The following OR7A17 variants were observed in gnomAD, a reference collection of about 807,000 sequenced individuals.
OR7A17 encodes the protein olfactory receptor 7A17.
For missense variants in OR7A17, 366 were observed against 365.5 expected (o/e 1.00, Z -0.01); for synonymous variants, 159 against 142.1 (o/e 1.12, Z -0.85).
intron 1 of OR7A17, among the ~76,000 whole-genome samples, chr19:14,885,062 G>A (rs1279158216): frequency 1.3e-5 from 2 of 152,118 alleles, no homozygotes; most frequent in African/African-American, 2.4e-5. Flanking sequence ...AAAGTCCTCC[G>A]ATAAAATTCA....
intron 1 of OR7A17, among the ~76,000 whole-genome samples, chr19:14,885,569 A>G (rs199547890): frequency 6.6e-6 from 1 of 152,210 alleles, no homozygotes; most frequent in East Asian, 1.9e-4. Context: ...CCTACAAGGG[A>G]TGTGAAGGAC....
chr19:14,879,868 G>A lies in OR7A17; in HGVS notation c.*558C>T, dbSNP rs2045097573. ...GAACCCAGGAGGCAGAGGTTGCAGT[G>A]AGCTGAGATGATGCCACTGCACTTC... On this transcript the variant is annotated 3_prime_UTR_variant, in exon 3 of 3. Coordinates refer to ENST00000641113, the MANE Select transcript of OR7A17 (RefSeq NM_030901.2). 1 of 152,528 alleles carries A rather than the reference G, an allele frequency of 6.6e-6. No homozygotes were observed. The highest frequency in any genetic ancestry group is 2.4e-5 in the African/African-American group (1 of 41,402). 9.4% of individuals were successfully genotyped at this position (152,528 alleles called of 1,614,324 possible).
At position 14,881,246 on chromosome 19, in the gene OR7A17, A is replaced by G. The variant is rs10405148; in HGVS notation, c.110T>C (p.Val37Ala). ...GATGAGCAGATTCCCGAGCACAGTG[A>G]CCAGGTACATGGACAGAAACAGCCC... ...LFGLFLSMYL[V>A]TVLGNLLIIL... The change falls in exon 3 of 3, where the codon GTC (valine) becomes GCC (alanine). Residue 37 changes from valine to alanine, a missense_variant. By Grantham distance (64) the Val-to-Ala change is moderately conservative. Transcript: ENST00000641113. 1,787 of 1,614,036 alleles carry G rather than the reference A, an allele frequency of 1.1e-3. 27 individuals carry two copies. In the African/African-American group the frequency reaches 0.022, roughly 20 times the overall value.
At position 14,881,326 on chromosome 19, in the gene OR7A17, T is replaced by G; in HGVS notation, c.30A>C (p.Ser10=). 6.4e-7 allele frequency: 1 copy of G among 1,571,802 alleles called. No homozygotes were observed. Among genetic ancestry groups the G allele is most frequent in the African/African-American group, 1.4e-5 (1 of 73,994 alleles). Residue 10 remains serine, a synonymous_variant, in exon 3 of 3, where the codon TCA becomes TCC. Transcript: ENST00000641113. Reference sequence around the variant, plus strand: ...CAGAAAGTCCCAGAAGAACAAATTCTGAAATCCCTGTGTCATTCTCTGGTT... The same window carrying G: ...CAGAAAGTCCCAGAAGAACAAATTCGGAAATCCCTGTGTCATTCTCTGGTT... MEPENDTGI[S]EFVLLGLSEE...
rs932810538 is a variant in OR7A17 at position 14,879,463 on chromosome 19, G to T, written c.*963C>A. The T allele has an allele frequency of 1.3e-5, 2 of 152,086 alleles. No individual in the cohort carries two copies. Among genetic ancestry groups the T allele is most frequent in the African/African-American group, 4.8e-5 (2 of 41,364 alleles). The allele number at this position is 152,086 out of a possible 1,614,324, so 9.4% of individuals were successfully genotyped here. A position where few individuals can be genotyped will look rare whatever the true frequency, so the allele number is the denominator to read the frequency against. On this transcript the variant is annotated 3_prime_UTR_variant, in exon 3 of 3. Coordinates refer to ENST00000641113, the MANE Select transcript of OR7A17 (RefSeq NM_030901.2). ...TTTGGTAGAGACGGGGTTTCTCCCT[G>T]TTGGTCAGCCTGGTCTCCAACTCCC...
intron 1 of OR7A17, among the ~76,000 whole-genome samples, chr19:14,882,542 G>A (rs7254039): frequency 0.044 from 6,642 of 152,320 alleles, 238 homozygotes; most frequent in South Asian, 0.12. Context: ...AGAGTGATGA[G>A]AGATGGTTTC....
chr19:14,884,636 C>T (rs1001941557), intron 1 of OR7A17: 10 of 152,104 alleles, frequency 6.6e-5, no homozygotes, highest in Admixed American at 5.9e-4. Flanking sequence ...AATTAATAGC[C>T]TACCAACCAA....
chr19:14,880,535 G>T lies in OR7A17; in HGVS notation c.821C>A (p.Ala274Asp), dbSNP rs199593891. Reference sequence around the variant, plus strand: ...GGTGGCCACAGTGTACATCACTGAGGCTGTTGCACTTGTGTGTGAGTTGTG... The same window carrying T: ...GGTGGCCACAGTGTACATCACTGAGTCTGTTGCACTTGTGTGTGAGTTGTG... ...ATHNSHTSAT[A>D]SVMYTVATPM... Residue 274 changes from alanine to aspartate, a missense_variant, in exon 3 of 3, where the codon GCC (alanine) becomes GAC (aspartate). Ala to Asp is a moderately radical substitution (Grantham distance 126). Transcript: ENST00000641113. The T allele has an allele frequency of 5.6e-6, 9 of 1,614,022 alleles. No homozygotes were observed. Among genetic ancestry groups the T allele is most frequent in the East Asian group, 2.2e-5 (1 of 44,898 alleles).
chr19:14,885,804 C>A (rs1218135823), intron 1 of OR7A17, 137 bp downstream of exon 1: 1 of 152,134 alleles, frequency 6.6e-6, no homozygotes, highest in Non-Finnish European at 1.5e-5. Flanking sequence ...AAAAATAGCC[C>A]GTATAGCCAA....
chr19:14,880,304 G>T lies in OR7A17; in HGVS notation c.*122C>A. ...TATGTCAGTTGAGATCAAAGAAATTGAAACTCTGAGAAAAAATAGAAGGAG... is the reference window on the plus strand; with the variant it reads ...TATGTCAGTTGAGATCAAAGAAATTTAAACTCTGAGAAAAAATAGAAGGAG... On this transcript the variant is annotated 3_prime_UTR_variant, in exon 3 of 3. Coordinates refer to ENST00000641113, the MANE Select transcript of OR7A17 (RefSeq NM_030901.2). The T allele has an allele frequency of 4.2e-6, 3 of 721,038 alleles. No homozygotes were observed. Among genetic ancestry groups the T allele is most frequent in the Middle Eastern group, 2.9e-4 (1 of 3,422 alleles). The allele number at this position is 721,038 out of a possible 1,614,324, so 44.7% of individuals were successfully genotyped here.
Position 14,881,254 on chromosome 19 carries a change from C to T in OR7A17, c.102G>A (p.Met34Ile), listed in dbSNP as rs1320668342. Residue 34 changes from methionine to isoleucine, a missense_variant, in exon 3 of 3, where the codon ATG becomes ATA. Coordinates refer to ENST00000641113, the MANE Select transcript of OR7A17 (RefSeq NM_030901.2). ...GATTCCCGAGCACAGTGACCAGGTA[C>T]ATGGACAGAAACAGCCCAAAGAGGA... ...QPFLFGLFLS[M>I]YLVTVLGNLL... 6.2e-7 allele frequency: 1 copy of T among 1,613,908 alleles called. No homozygotes were observed. The highest frequency in any genetic ancestry group is 1.3e-5 in the African/African-American group (1 of 74,870).
Position 14,885,276 on chromosome 19 carries a change from G to C in OR7A17, c.-295+665C>G, listed in dbSNP as rs536073262. Among the ~76,000 whole-genome samples the C allele has an allele frequency of 5.4e-4, 82 of 152,288 alleles. 2 individuals are homozygous for C. Among genetic ancestry groups the C allele is most frequent in the African/African-American group, 1.8e-3 (76 of 41,554 alleles). ...AACATAGTGTTGGAAGTTCTGGCCA[G>C]GGCAATCAGGCAAGAGAAGGAAGTA... On this transcript the variant is annotated intron_variant, in intron 1 of 2. Transcript: ENST00000641113.
At chr19:14,883,267 C>T (rs1250660558) in intron 1 of OR7A17, among the ~76,000 whole-genome samples, 8 of 152,056 alleles carry the variant, frequency 5.3e-5, no homozygotes, top group African/African-American at 1.9e-4. Context: ...TGGCGAAGCC[C>T]CGTCTGTACT....
Position 14,881,014 on chromosome 19 carries a change from G to C in OR7A17, c.342C>G (p.Leu114=). The C allele has an allele frequency of 6.2e-7, 1 of 1,614,196 alleles. No individual in the cohort carries two copies. Among genetic ancestry groups the C allele is most frequent in the Non-Finnish European group, 8.5e-7 (1 of 1,180,036 alleles). Residue 114 remains leucine (L), a synonymous_variant, in exon 3 of 3, where the codon CTC becomes CTG. Transcript: ENST00000641113. ...ACCGATCATAGGCCATCACAGCCAG[G>C]AGTAAGCTGTCTAACCCTCCAAAAA... The part of the protein sequence containing the change: ...FVLFGGLDSL[L]LAVMAYDRFV...
At position 14,880,209 on chromosome 19, in the gene OR7A17, C is replaced by CAA. The variant is rs3030635; in HGVS notation, c.*215_*216dup. On this transcript the variant is annotated 3_prime_UTR_variant, in exon 3 of 3. Transcript: ENST00000641113. ...AAACATTGGGAAAGTAGGAAAATGA[C>CAA]AAAAAAAAAAAAAAAAAAAAGATTG... 0.13 allele frequency: 22,692 copies of CAA among 170,222 alleles called. 2,270 individuals carry two copies. Among genetic ancestry groups the CAA allele is most frequent in the East Asian group, 0.27 (1,962 of 7,172 alleles). The allele number at this position is 170,222 out of a possible 1,614,324, so 10.5% of individuals were successfully genotyped here. A position where few individuals can be genotyped will look rare whatever the true frequency, so the allele number is the denominator to read the frequency against.
chr19:14,879,626 T>C lies in OR7A17; in HGVS notation c.*800A>G, dbSNP rs888257928. 6.6e-6 allele frequency: 1 copy of C among 152,034 alleles called. No homozygotes were observed. Among genetic ancestry groups the C allele is most frequent in the Non-Finnish European group, 1.5e-5 (1 of 68,066 alleles). 9.4% of individuals were successfully genotyped at this position (152,034 alleles called of 1,614,324 possible). The stretch of plus-strand genomic sequence containing the variant: ...TGAGCAGGCACGGTGGACACTGAAC[T>C]GAATAGAGGACAGGACCCTAATGAG... On this transcript the variant is annotated 3_prime_UTR_variant, in exon 3 of 3. Coordinates refer to ENST00000641113, the MANE Select transcript of OR7A17 (RefSeq NM_030901.2).
rs183917195 is a variant in OR7A17, at chr19:14,878,602, C to A, written c.*1824G>T. Reference sequence around the variant, plus strand: ...CAAATCCTTCCCTTGGACTAACAAACCTCATTACAAATGGGCACCAAGCCT... The same window carrying A: ...CAAATCCTTCCCTTGGACTAACAAAACTCATTACAAATGGGCACCAAGCCT... On this transcript the variant is annotated 3_prime_UTR_variant, in exon 3 of 3. Coordinates refer to ENST00000641113, the MANE Select transcript of OR7A17 (RefSeq NM_030901.2). 6.6e-6 allele frequency: 1 copy of A among 152,138 alleles called. No homozygotes were observed. Among genetic ancestry groups the A allele is most frequent in the African/African-American group, 2.4e-5 (1 of 41,420 alleles). 9.4% of individuals were successfully genotyped at this position (152,138 alleles called of 1,614,324 possible). A position where few individuals can be genotyped will look rare whatever the true frequency, so the allele number is the denominator to read the frequency against.
chr19:14,883,600 T>G (rs953179231), intron 1 of OR7A17, among the ~76,000 whole-genome samples: 2 of 152,146 alleles, frequency 1.3e-5, no homozygotes, highest in African/African-American at 4.8e-5. Context: ...AATGCATGAG[T>G]CAAATGAGCA....
At chr19:14,884,225 T>C (rs2045126230) in intron 1 of OR7A17, among the ~76,000 whole-genome samples, 3 of 152,162 alleles carry the variant, frequency 2.0e-5, no homozygotes, top group Admixed American at 6.5e-5. Flanking sequence ...ACTAAGAAAG[T>C]AGACATATTT....
Sources: allele counts gnomAD v4.1 joint callset (sites outside exome capture counted in the v4.1 genomes callset), GRCh38; gene constraint gnomAD v4.1.1; transcripts MANE v1.5; gene names NCBI Gene and HGNC (gene_info 2026-07-23, HGNC 2026-07-21).